Variants in QTMAN observed in about 807,000 individuals in gnomAD.
QTMAN encodes queuosine-tRNA mannosyltransferase.
the QTMAN span, among the ~76,000 whole-genome samples, chr2:144,163,138 A>G: frequency 1.3e-5 from 2 of 152,148 alleles, no homozygotes; most frequent in Non-Finnish European, 2.9e-5. Context: ...AAAGTACAAA[A>G]TTATAAATAT....
the QTMAN span, among the ~76,000 whole-genome samples, chr2:144,148,643 G>A: frequency 1.1e-4 from 16 of 151,638 alleles, no homozygotes; most frequent in Non-Finnish European, 1.6e-4. Context: ...ATGTTTAACC[G>A]AAAGGAGCCC....
chr2:143,957,080 A>G, the QTMAN span: 366 of 829,990 alleles, frequency 4.4e-4, 4 homozygotes, highest in African/African-American at 5.8e-3. Flanking sequence ...GTGATAGTCA[A>G]TTGAATTCCT....
the QTMAN span, among the ~76,000 whole-genome samples, chr2:144,209,432 C>A: frequency 6.6e-6 from 1 of 152,214 alleles, no homozygotes; most frequent in East Asian, 1.9e-4. Context: ...AGACACTACA[C>A]ATACTTTGAT....
the QTMAN span, among the ~76,000 whole-genome samples, chr2:144,134,230 G>A: frequency 6.6e-6 from 1 of 152,056 alleles, no homozygotes; most frequent in Non-Finnish European, 1.5e-5. Flanking sequence ...AAGCCCTTAG[G>A]CGCCTCGCCT....
chr2:144,211,077 C>T, the QTMAN span: 1 of 152,078 alleles, frequency 6.6e-6, no homozygotes, highest in East Asian at 1.9e-4. Context: ...TCATCTTGTC[C>T]TTTTCCATGA....
the QTMAN span, among the ~76,000 whole-genome samples, chr2:144,009,293 G>A: frequency 6.6e-6 from 1 of 152,074 alleles, no homozygotes; most frequent in African/African-American, 2.4e-5. Context: ...ATCTATTTCA[G>A]TGAGGTGAAC....
the QTMAN span, among the ~76,000 whole-genome samples, chr2:144,262,886 G>C: frequency 1.0e-5 from 1 of 98,892 alleles, no homozygotes; most frequent in Non-Finnish European, 2.1e-5. Context: ...GGAGGGGAGG[G>C]GAGATGGGAG....
chr2:144,181,326 C>T, the QTMAN span, among the ~76,000 whole-genome samples: 7 of 152,238 alleles, frequency 4.6e-5, no homozygotes, highest in East Asian at 1.9e-4. Flanking sequence ...CTTTCCCCCA[C>T]GGGATTAAGC....
the QTMAN span, among the ~76,000 whole-genome samples, chr2:144,305,995 T>C: frequency 8.4e-4 from 128 of 152,354 alleles, no homozygotes; most frequent in Non-Finnish European, 3.4e-4. Context: ...CATCTACAAA[T>C]AGAGATAGTT....
chr2:143,963,035 CT>C, the QTMAN span, among the ~76,000 whole-genome samples: 1 of 152,022 alleles, frequency 6.6e-6, no homozygotes, highest in Non-Finnish European at 1.5e-5. Flanking sequence ...GTTTTCCCCC[CT>C]AAAATTTGAT....
the QTMAN span, among the ~76,000 whole-genome samples, chr2:144,045,187 G>A: frequency 6.6e-6 from 1 of 152,182 alleles, no homozygotes; most frequent in Non-Finnish European, 1.5e-5. Flanking sequence ...TATGGAGATG[G>A]GAGAAGTTGA....
chr2:144,002,441 T>C, the QTMAN span, among the ~76,000 whole-genome samples: 1 of 151,940 alleles, frequency 6.6e-6, no homozygotes, highest in South Asian at 2.1e-4. Context: ...CCATGTGAAC[T>C]TGTCACTCAA....
chr2:144,107,447 C>T, the QTMAN span, among the ~76,000 whole-genome samples: 8 of 152,104 alleles, frequency 5.3e-5, no homozygotes, highest in East Asian at 3.9e-4. Context: ...CACAGAAATA[C>T]AAACTACCAT....
chr2:144,298,022 A>G, the QTMAN span, among the ~76,000 whole-genome samples: 2 of 144,112 alleles, frequency 1.4e-5, no homozygotes, highest in East Asian at 4.1e-4. Context: ...GAATATTTTA[A>G]TTTTTTTTTT....
the QTMAN span, among the ~76,000 whole-genome samples, chr2:144,214,861 T>C: frequency 6.6e-6 from 1 of 152,248 alleles, no homozygotes; most frequent in Non-Finnish European, 1.5e-5. Context: ...TTTGCAAAGT[T>C]AGCATCTTAT....
chr2:144,122,284 C>A, the QTMAN span, among the ~76,000 whole-genome samples: 4,669 of 152,140 alleles, frequency 0.031, 192 homozygotes, highest in East Asian at 0.18. Flanking sequence ...TCTATGGGAC[C>A]ATGTGTCAGT....
chr2:144,055,817 A>T, the QTMAN span, among the ~76,000 whole-genome samples: 1 of 152,204 alleles, frequency 6.6e-6, no homozygotes, highest in East Asian at 1.9e-4. Context: ...CTGGATCATG[A>T]CAGAGACCTA....
At chr2:144,125,052 A>G in the QTMAN span, among the ~76,000 whole-genome samples, 1 of 152,096 alleles carries the variant, frequency 6.6e-6, no homozygotes, top group East Asian at 1.9e-4. Flanking sequence ...AATATAGCAC[A>G]GGTATAAGCA....
chr2:144,142,536 A>C, the QTMAN span, among the ~76,000 whole-genome samples: 5 of 151,916 alleles, frequency 3.3e-5, no homozygotes, highest in African/African-American at 9.7e-5. Flanking sequence ...TTTCATACTA[A>C]GGCACGATAC....
Sources: gnomAD v4.1 joint callset for allele counts (sites outside exome capture counted in the v4.1 genomes callset) on GRCh38, gnomAD v4.1.1 for gene constraint, MANE v1.5 for transcripts, NCBI Gene and HGNC (gene_info 2026-07-23, HGNC 2026-07-21) for gene names.